CAMTA1: variants seen among roughly 807,000 people sequenced by gnomAD.
The protein encoded by CAMTA1 is calmodulin binding transcription activator 1.
CAMTA1 carries 27 observed loss-of-function variants against 170.9 expected under a neutral mutation model. The observed-to-expected ratio is 0.16, with a 90% CI of 0.12 to 0.22. The LOEUF is 0.22. Among genes scored for constraint, CAMTA1 ranks in the 10% least tolerant of loss-of-function variants. CAMTA1 has a pLI of 1.00. For synonymous variants in CAMTA1, 833 were observed against 891.5 expected (o/e 0.93, Z 1.17); for missense variants, 1,619 against 2,217.2 (o/e 0.73, Z 5.42).
chr1:7,254,483 A>G (rs1278877160), intron 5 of CAMTA1, among the ~76,000 whole-genome samples: 2 of 152,152 alleles, frequency 1.3e-5, no homozygotes, highest in Non-Finnish European at 2.9e-5. Context: ...ATGTGAAGAG[A>G]ACACACAGTG....
chr1:7,709,730 C>CTT (rs149492309), intron 11 of CAMTA1, among the ~76,000 whole-genome samples: 1,665 of 152,328 alleles, frequency 0.011, 12 homozygotes, highest in Non-Finnish European at 0.017. Context: ...TGTTTCAGCT[C>CTT]TACCATTCAC....
intron 6 of CAMTA1, among the ~76,000 whole-genome samples, chr1:7,630,854 C>G (rs546857439): frequency 6.6e-6 from 1 of 152,324 alleles, no homozygotes; most frequent in African/African-American, 2.4e-5. Context: ...GTGGGAGATC[C>G]CTGGGCCCAG....
intron 11 of CAMTA1, among the ~76,000 whole-genome samples, chr1:7,683,302 T>C (rs2096228966): frequency 6.6e-6 from 1 of 151,612 alleles, no homozygotes; most frequent in African/African-American, 2.4e-5. Context: ...TAATGTAAAA[T>C]GCCTTTGCTT....
chr1:7,391,539 G>A (rs572506833), intron 5 of CAMTA1, among the ~76,000 whole-genome samples: 11 of 152,124 alleles, frequency 7.2e-5, no homozygotes, highest in Admixed American at 2.0e-4. Context: ...ACTTTCTGTG[G>A]CCATTCTGAG....
chr1:7,189,032 C>T (rs941439408), intron 4 of CAMTA1, among the ~76,000 whole-genome samples: 2 of 152,162 alleles, frequency 1.3e-5, no homozygotes, highest in Non-Finnish European at 2.9e-5. Context: ...AACCATCACA[C>T]TTTAAGCTTC....
intron 6 of CAMTA1, among the ~76,000 whole-genome samples, chr1:7,637,744 T>G (rs1344875551): frequency 1.3e-5 from 2 of 152,104 alleles, no homozygotes; most frequent in Non-Finnish European, 2.9e-5. Context: ...AATCACAACT[T>G]CTTAGTGCTA....
intron 4 of CAMTA1, among the ~76,000 whole-genome samples, chr1:7,180,128 A>T (rs1204915538): frequency 1.3e-5 from 2 of 152,142 alleles, no homozygotes; most frequent in African/African-American, 4.8e-5. Context: ...GCACTTTGGG[A>T]GGCTGAGGCG....
At chr1:6,963,926 C>T (rs1029044567) in intron 3 of CAMTA1, among the ~76,000 whole-genome samples, 4 of 152,208 alleles carry the variant, frequency 2.6e-5, no homozygotes, top group Non-Finnish European at 5.9e-5. Context: ...AAGGCTGGGG[C>T]GCCTGTCGCA....
intron 6 of CAMTA1, among the ~76,000 whole-genome samples, chr1:7,607,723 A>G (rs1160917947): frequency 6.6e-6 from 1 of 152,172 alleles, no homozygotes; most frequent in Non-Finnish European, 1.5e-5. Flanking sequence ...GAATGTGTGA[A>G]TGGAAAAGTG....
chr1:7,552,721 G>T (rs979310790), intron 6 of CAMTA1, among the ~76,000 whole-genome samples: 3 of 152,206 alleles, frequency 2.0e-5, no homozygotes, highest in Non-Finnish European at 4.4e-5. Context: ...GGAGCAGCCC[G>T]CCCAGTTCCG....
intron 4 of CAMTA1, among the ~76,000 whole-genome samples, chr1:7,237,428 G>C (rs566253846): frequency 6.6e-6 from 1 of 152,256 alleles, no homozygotes; most frequent in Non-Finnish European, 1.5e-5. Flanking sequence ...GGTGGTTGTT[G>C]AGGTCCTGGA....
chr1:7,363,573 G>A (rs1477646507), intron 5 of CAMTA1, among the ~76,000 whole-genome samples: 3 of 152,122 alleles, frequency 2.0e-5, no homozygotes, highest in Non-Finnish European at 4.4e-5. Flanking sequence ...GCCAGTGAGT[G>A]ACATTTCACA....
At chr1:7,276,552 G>A (rs1394325659) in intron 5 of CAMTA1, among the ~76,000 whole-genome samples, 4 of 151,514 alleles carry the variant, frequency 2.6e-5, no homozygotes, top group African/African-American at 4.9e-5. Flanking sequence ...CTCGTGATCC[G>A]CTTGCCTCGG....
At chr1:7,760,310 A>G (rs1384148957) in intron 22 of CAMTA1, among the ~76,000 whole-genome samples, 2 of 152,232 alleles carry the variant, frequency 1.3e-5, no homozygotes, top group African/African-American at 2.4e-5. Flanking sequence ...CCCGGGTCAT[A>G]GCTGCACTGG....
At position 7,634,238 on chromosome 1, in the gene CAMTA1, G is replaced by C. The variant is rs532010253; in HGVS notation, c.511-6162G>C. 1.1e-4 allele frequency among the ~76,000 whole-genome samples: 16 copies of C among 152,294 alleles called. No individual in the cohort carries two copies. The highest frequency in any genetic ancestry group is 8.3e-4 in the South Asian group (4 of 4,824). On this transcript the variant is annotated intron_variant, in intron 6 of 22. Coordinates refer to ENST00000303635, the MANE Select transcript of CAMTA1 (RefSeq NM_015215.4). This position sits in a 1 kb window ranked among gnomAD's most constrained non-coding sequence, Gnocchi z 6.2. ...GATCAGACTTGGTCATTGCAGGCAGGGGGTATATGGGAGGATTAGGCTTCC... is the reference window on the plus strand; with the variant it reads ...GATCAGACTTGGTCATTGCAGGCAGCGGGTATATGGGAGGATTAGGCTTCC...
intron 3 of CAMTA1, among the ~76,000 whole-genome samples, chr1:6,990,572 C>T (rs1029227467): frequency 1.3e-5 from 2 of 152,056 alleles, no homozygotes; most frequent in Admixed American, 6.6e-5. Flanking sequence ...GTGTGCCGTG[C>T]GATGAGTTTT....
chr1:7,489,820 C>A (rs942946990), intron 6 of CAMTA1, among the ~76,000 whole-genome samples: 2 of 152,220 alleles, frequency 1.3e-5, no homozygotes, highest in African/African-American at 4.8e-5. Flanking sequence ...CGGCCAGCAT[C>A]CCATGACCTA....
chr1:7,573,819 G>A, intron 6 of CAMTA1, among the ~76,000 whole-genome samples: 1 of 152,174 alleles, frequency 6.6e-6, no homozygotes, highest in East Asian at 1.9e-4. Flanking sequence ...TGTTGCCCGG[G>A]CTGGAGTGCA....
intron 5 of CAMTA1, among the ~76,000 whole-genome samples, chr1:7,275,158 A>AAG (rs1490741887): frequency 6.6e-6 from 1 of 150,818 alleles, no homozygotes; most frequent in Non-Finnish European, 1.5e-5. Context: ...AAAAAAAAAA[A>AAG]AAAAAGAAGA....
Sources: allele counts gnomAD v4.1 joint callset (sites outside exome capture counted in the v4.1 genomes callset), GRCh38; gene constraint gnomAD v4.1.1; non-coding constraint Gnocchi (gnomAD v3.1); transcripts MANE v1.5; gene names NCBI Gene and HGNC (gene_info 2026-07-23, HGNC 2026-07-21).